Variants in LIFR observed in about 807,000 individuals in gnomAD.
The protein encoded by LIFR is leukemia inhibitory factor receptor.
LIFR carries 84 observed loss-of-function variants against 122.2 expected under a neutral mutation model. The ratio of observed to expected loss-of-function variants is 0.69; its 90% CI spans 0.58 to 0.82. The LOEUF is 0.82. Ranked by LOEUF, LIFR falls within the 40% of genes least tolerant of loss-of-function variation. LIFR has a pLI of 0.00. For missense variants in LIFR, 1,294 were observed against 1,311.6 expected (o/e 0.99, Z 0.21); for synonymous variants, 422 against 434.7 (o/e 0.97, Z 0.36).
At chr5:38,564,829 A>C (rs1748964751) in intron 1 of LIFR, among the ~76,000 whole-genome samples, 1 of 150,644 alleles carries the variant, frequency 6.6e-6, no homozygotes, top group Non-Finnish European at 1.5e-5. Context: ...GCTGGAGTGC[A>C]GTGGTGCAAT....
Position 38,479,184 on chromosome 5 carries a change from T to C in LIFR, c.*2411A>G, listed in dbSNP as rs1743861195. On this transcript the variant is annotated 3_prime_UTR_variant, in exon 20 of 20. Coordinates refer to ENST00000453190, the MANE Select transcript of LIFR (RefSeq NM_001127671.2). ...ACACAAGGGTCTAGCTGTCTTGAAT[T>C]CAATGAGGGAAAAGAAGGAAAACTG... 4.3e-6 allele frequency: 1 copy of C among 231,730 alleles called. No homozygotes were observed. The highest frequency in any genetic ancestry group is 1.8e-4 in the South Asian group (1 of 5,514). 14.4% of individuals were successfully genotyped at this position (231,730 alleles called of 1,614,324 possible). A position where few individuals can be genotyped will look rare whatever the true frequency, so the allele number is the denominator to read the frequency against.
intron 16 of LIFR, 86 bp downstream of exon 16, chr5:38,488,992 T>G (rs1276403165): frequency 6.3e-5 from 69 of 1,101,886 alleles, no homozygotes; most frequent in Non-Finnish European, 8.9e-5. Context: ...AGTACTAAAC[T>G]ACTGAGCAGG....
At chr5:38,499,412 C>T in intron 12 of LIFR, 101 bp downstream of exon 12, 1 of 811,862 alleles carries the variant, frequency 1.2e-6, no homozygotes, top group South Asian at 1.4e-5. Context: ...CAACAAAAGC[C>T]AGTCTGGGAA....
rs886060609 is a variant in LIFR, at chr5:38,476,411, C to T, written c.*5184G>A. The T allele has an allele frequency of 5.8e-5, 12 of 207,788 alleles. No individual in the cohort carries two copies. Among genetic ancestry groups the T allele is most frequent in the Admixed American group, 1.8e-4 (3 of 16,810 alleles). 12.9% of individuals were successfully genotyped at this position (207,788 alleles called of 1,614,324 possible). Reference sequence around the variant, plus strand: ...CCATTTAAAATGGAATAATTCTTAACGGAAGTACACTTTAAATGTATAAGG... The same window carrying T: ...CCATTTAAAATGGAATAATTCTTAATGGAAGTACACTTTAAATGTATAAGG... On this transcript the variant is annotated 3_prime_UTR_variant, in exon 20 of 20. Transcript: ENST00000453190.
Position 38,500,194 on chromosome 5 carries a change from T to C in LIFR, c.1601-611A>G, listed in dbSNP as rs368166963. 7.2e-5 allele frequency among the ~76,000 whole-genome samples: 11 copies of C among 152,266 alleles called. No homozygotes were observed. In the South Asian group the frequency reaches 1.7e-3, roughly 23 times the overall value. ...GTTTGTGTGTGTACATACATACATA[T>C]AGATGTGTATATATATAAATTTATT... On this transcript the variant is annotated intron_variant, in intron 11 of 19. Coordinates refer to ENST00000453190, the MANE Select transcript of LIFR (RefSeq NM_001127671.2).
At chr5:38,485,469 T>A (rs940937122) in intron 17 of LIFR, 1 of 329,358 alleles carries the variant, frequency 3.0e-6, no homozygotes, top group Non-Finnish European at 5.7e-6. Flanking sequence ...TAAGAATATC[T>A]CCTTCACTTT....
intron 1 of LIFR, among the ~76,000 whole-genome samples, chr5:38,586,940 T>A (rs1344834915): frequency 1.3e-5 from 2 of 152,184 alleles, no homozygotes; most frequent in African/African-American, 4.8e-5. Flanking sequence ...AAGAAATCCA[T>A]CAATTAAGCA....
intron 5 of LIFR, among the ~76,000 whole-genome samples, chr5:38,518,527 CATA>C (rs1318893669): frequency 6.6e-6 from 1 of 152,138 alleles, no homozygotes; most frequent in Non-Finnish European, 1.5e-5. Context: ...TCATAGCCAA[CATA>C]ATGTCATAGT....
rs1031788885 is a variant in LIFR at position 38,478,167 on chromosome 5, G to A, written c.*3428C>T. ...CTTGCAATGTTTGTTAAATATGGAC[G>A]GCATGAAGACAATTAAGAAACTATA... On this transcript the variant is annotated 3_prime_UTR_variant, in exon 20 of 20. Transcript: ENST00000453190. The A allele has an allele frequency of 5.3e-5, 11 of 208,298 alleles. No homozygotes were observed. Among genetic ancestry groups the A allele is most frequent in the Admixed American group, 2.4e-4 (4 of 16,912 alleles). 12.9% of individuals were successfully genotyped at this position (208,298 alleles called of 1,614,324 possible). A position where few individuals can be genotyped will look rare whatever the true frequency, so the allele number is the denominator to read the frequency against.
Position 38,482,074 on chromosome 5 carries a change from C to T in LIFR, c.2815G>A (p.Ala939Thr). 2 of 1,604,532 alleles carry T rather than the reference C, an allele frequency of 1.2e-6. No homozygotes were observed. The highest frequency in any genetic ancestry group is 1.1e-5 in the South Asian group (1 of 89,218). Residue 939 changes from alanine (A) to threonine (T), a missense_variant, in exon 20 of 20, where the codon GCA (alanine) becomes ACA (threonine). By Grantham distance (58) the Ala-to-Thr change is moderately conservative. Coordinates refer to ENST00000453190, the MANE Select transcript of LIFR (RefSeq NM_001127671.2). ...VAERPEDRSD[A>T]EPENHVVVSY... Reference sequence around the variant, plus strand: ...ACAACCACATGGTTTTCAGGCTCTGCATCAGAGCGATCTTCAGGACGCTCA... The same window carrying T: ...ACAACCACATGGTTTTCAGGCTCTGTATCAGAGCGATCTTCAGGACGCTCA...
intron 9 of LIFR, among the ~76,000 whole-genome samples, chr5:38,505,151 C>T (rs535120426): frequency 1.5e-5 from 2 of 133,800 alleles, no homozygotes; most frequent in South Asian, 4.7e-4. Context: ...ACATGGATGG[C>T]TCTCCAGGAC....
Position 38,474,758 on chromosome 5 carries a change from A to G in LIFR, c.*6837T>C, listed in dbSNP as rs190606765. ...GATGCTAACTTCTCAGGTAAACAAT[A>G]ATGACTTAATGGACAGATGGATGTT... On this transcript the variant is annotated 3_prime_UTR_variant, in exon 20 of 20. Coordinates refer to ENST00000453190, the MANE Select transcript of LIFR (RefSeq NM_001127671.2). Among the ~76,000 whole-genome samples, 128 of 152,306 alleles carry G rather than the reference A, an allele frequency of 8.4e-4. No homozygotes were observed. Among genetic ancestry groups the G allele is most frequent in the Non-Finnish European group, 1.6e-3 (107 of 68,014 alleles).
chr5:38,594,323 G>A (rs994182160), intron 1 of LIFR, among the ~76,000 whole-genome samples: 26 of 152,110 alleles, frequency 1.7e-4, no homozygotes, highest in African/African-American at 4.1e-4. Flanking sequence ...CAGAGTTTTA[G>A]CAATAGCAAT....
Position 38,538,092 on chromosome 5 carries a change from A to G in LIFR, c.-19-7426T>C, listed in dbSNP as rs574680060. ...CCATATAAAATTAATTTCAGTGTACAGTTGAGTCAAGGACCCACCTTTTCT... is the reference window on the plus strand; with the variant it reads ...CCATATAAAATTAATTTCAGTGTACGGTTGAGTCAAGGACCCACCTTTTCT... On this transcript the variant is annotated intron_variant, in intron 1 of 19. Transcript: ENST00000453190. Among the ~76,000 whole-genome samples, 9 of 152,314 alleles carry G rather than the reference A, an allele frequency of 5.9e-5. No homozygotes were observed. In the South Asian group the frequency reaches 8.3e-4, roughly 14 times the overall value.
intron 1 of LIFR, among the ~76,000 whole-genome samples, chr5:38,573,417 A>G (rs1315686311): frequency 6.6e-6 from 1 of 152,236 alleles, no homozygotes; most frequent in African/African-American, 2.4e-5. Flanking sequence ...ATGAGAAAAC[A>G]TACCTGTTAC....
intron 2 of LIFR, among the ~76,000 whole-genome samples, chr5:38,600,559 C>T (rs1750203898): frequency 6.6e-6 from 1 of 152,226 alleles, no homozygotes; most frequent in Non-Finnish European, 1.5e-5. Context: ...TAGCAATCAG[C>T]ACTACTAGTT....
At chr5:38,519,459 T>C (rs1368859618) in intron 5 of LIFR, among the ~76,000 whole-genome samples, 2 of 152,092 alleles carry the variant, frequency 1.3e-5, no homozygotes, top group African/African-American at 4.8e-5. Context: ...CATTTCTGTG[T>C]TGGGAACATT....
upstream of LIFR, among the ~76,000 whole-genome samples, chr5:38,598,857 C>T (rs1056374880): frequency 7.2e-5 from 11 of 152,326 alleles, no homozygotes; most frequent in African/African-American, 2.4e-4. Flanking sequence ...ATGCCTAGCA[C>T]AATGCCTGGT....
intron 3 of LIFR, among the ~76,000 whole-genome samples, chr5:38,528,235 C>T (rs563506740): frequency 3.5e-4 from 53 of 152,298 alleles, no homozygotes; most frequent in South Asian, 2.1e-3. Context: ...GACATTCATA[C>T]TCCTAGTGTC....
Sources: gnomAD v4.1 joint callset for allele counts (sites outside exome capture counted in the v4.1 genomes callset) on GRCh38, gnomAD v4.1.1 for gene constraint, MANE v1.5 for transcripts, NCBI Gene and HGNC (gene_info 2026-07-23, HGNC 2026-07-21) for gene names.